PRUNE2: variants seen among roughly 807,000 people sequenced by gnomAD.
PRUNE2 encodes the protein prune homolog 2 with BCH domain, also known as protein prune homolog 2.
A neutral mutation model predicts 252.0 loss-of-function variants in PRUNE2; 164 were observed. That is an observed-to-expected ratio of 0.65 (90% CI 0.57 to 0.74). The LOEUF (loss-of-function observed/expected upper bound fraction) is 0.74. Among genes scored for constraint, PRUNE2 ranks in the 30% least tolerant of loss-of-function variants. The pLI, the probability that PRUNE2 is intolerant of heterozygous loss-of-function variation, is 0.00. For synonymous variants in PRUNE2, 1,292 were observed against 1,350.2 expected (o/e 0.96, Z 0.94); for missense variants, 3,495 against 3,711.0 (o/e 0.94, Z 1.51).
intron 9 of PRUNE2, among the ~76,000 whole-genome samples, chr9:76,680,111 A>C (rs1376261683): frequency 1.3e-5 from 2 of 152,242 alleles, no homozygotes; most frequent in Non-Finnish European, 2.9e-5. Context: ...ATATCTGATA[A>C]GGGGTTAATA....
intron 9 of PRUNE2, among the ~76,000 whole-genome samples, chr9:76,676,901 G>C (rs2042690260): frequency 6.6e-6 from 1 of 152,192 alleles, no homozygotes; most frequent in South Asian, 2.1e-4. Context: ...AAAAACCCGA[G>C]CTCAGATTAA....
chr9:76,839,632 A>G (rs553332401), intron 4 of PRUNE2, among the ~76,000 whole-genome samples: 1 of 152,306 alleles, frequency 6.6e-6, no homozygotes, highest in East Asian at 1.9e-4. Flanking sequence ...ACAGGTTTGA[A>G]GCCGGAGGTT....
intron 6 of PRUNE2, among the ~76,000 whole-genome samples, chr9:76,722,706 C>T (rs1206597347): frequency 6.6e-6 from 1 of 152,140 alleles, no homozygotes; most frequent in African/African-American, 2.4e-5. Flanking sequence ...TAAGATGCCC[C>T]TGTGAGATAG....
In PRUNE2 at chr9:76,704,865, G is replaced by T; in HGVS notation, c.7409C>A (p.Pro2470Gln). 1 of 1,604,300 alleles carries T rather than the reference G, an allele frequency of 6.2e-7. No individual in the cohort carries two copies. Among genetic ancestry groups the T allele is most frequent in the South Asian group, 1.1e-5 (1 of 89,412 alleles). ...CAAAATGTTGGAGCCTGCTCCTACC[G>T]GCAAATAAACGGACTCAGGGTCTTC... ...IREDPESVYL[P>Q]VGAGSNILSP... is the part of the protein sequence containing the mutation. The change falls in exon 8 of 19, where the codon CCG becomes CAG. Residue 2470 changes from proline (P) to glutamine (Q), a missense_variant. Coordinates refer to ENST00000376718, the MANE Select transcript of PRUNE2 (RefSeq NM_015225.3).
chr9:76,662,460 T>C (rs897301828), intron 9 of PRUNE2, among the ~76,000 whole-genome samples: 4 of 152,218 alleles, frequency 2.6e-5, no homozygotes, highest in Admixed American at 2.0e-4. Flanking sequence ...TTAGAACAGG[T>C]ACAAAATTAA....
chr9:76,877,128 G>A (rs2061518504), intron 1 of PRUNE2, among the ~76,000 whole-genome samples: 1 of 151,774 alleles, frequency 6.6e-6, no homozygotes, highest in East Asian at 1.9e-4. Flanking sequence ...TCTAGAACAA[G>A]TCTACAAAAG....
chr9:76,852,259 T>A (rs1463998195), intron 2 of PRUNE2, among the ~76,000 whole-genome samples: 2 of 152,238 alleles, frequency 1.3e-5, no homozygotes, highest in Non-Finnish European at 2.9e-5. Context: ...GCATAATAAG[T>A]GTTAACAACT....
chr9:76,756,845 G>C (rs2039879), intron 6 of PRUNE2, among the ~76,000 whole-genome samples: 14 of 103,422 alleles, frequency 1.4e-4, no homozygotes, highest in Admixed American at 3.6e-4. Context: ...CACCCTGCCC[G>C]TGCCCTGCCC....
Position 76,703,125 on chromosome 9 carries a change from T to C in PRUNE2, c.8276+212A>G, listed in dbSNP as rs190935945. On this transcript the variant is annotated intron_variant, in intron 9 of 18. Coordinates refer to ENST00000376718, the MANE Select transcript of PRUNE2 (RefSeq NM_015225.3). ...GGGTAGGTATAAGACTGAATGAAAA[T>C]TGAAGGGGCTTTTTGGCTGAAAATG... is the stretch of plus-strand genomic sequence containing the variant. Among the ~76,000 whole-genome samples the C allele has an allele frequency of 1.4e-4, 21 of 151,342 alleles. No homozygotes were observed. In the East Asian group the frequency reaches 3.3e-3, roughly 24 times the overall value.
At chr9:76,765,636 C>T (rs2052278411) in intron 6 of PRUNE2, among the ~76,000 whole-genome samples, 1 of 152,180 alleles carries the variant, frequency 6.6e-6, no homozygotes, top group African/African-American at 2.4e-5. Flanking sequence ...CTCCACCCAT[C>T]CTTCCCTCCA....
chr9:76,788,923 C>G (rs186048792), intron 6 of PRUNE2, among the ~76,000 whole-genome samples: 61 of 152,268 alleles, frequency 4.0e-4, no homozygotes, highest in Admixed American at 3.6e-3. Context: ...TAAGGTAGCT[C>G]TATCCTGGCT....
intron 1 of PRUNE2, among the ~76,000 whole-genome samples, chr9:76,905,597 T>A (rs192603323): frequency 2.1e-3 from 323 of 152,274 alleles, no homozygotes; most frequent in Non-Finnish European, 2.2e-3. Context: ...GGGCTCTTTA[T>A]CTCAAGGAAG....
At chr9:76,655,123 A>C (rs969789433) in intron 10 of PRUNE2, among the ~76,000 whole-genome samples, 4 of 152,204 alleles carry the variant, frequency 2.6e-5, no homozygotes, top group African/African-American at 9.7e-5. Flanking sequence ...GAACTTAGAC[A>C]TTAGTCAGAA....
intron 6 of PRUNE2, among the ~76,000 whole-genome samples, chr9:76,765,814 A>T (rs1778652397): frequency 6.6e-6 from 1 of 152,202 alleles, no homozygotes; most frequent in African/African-American, 2.4e-5. Flanking sequence ...CTTATCTATG[A>T]AATGGAGAGG....
chr9:76,645,638 G>T (rs1844503791), intron 11 of PRUNE2, among the ~76,000 whole-genome samples: 1 of 150,776 alleles, frequency 6.6e-6, no homozygotes, highest in Non-Finnish European at 1.5e-5. Context: ...TTACTCTTGT[G>T]CATTTAAAAA....
At chr9:76,642,001 T>TAAAAAAAAAAAAAAAAGAAAAAAAAA in intron 12 of PRUNE2, 2 of 1,010,458 alleles carry the variant, frequency 2.0e-6, no homozygotes, top group East Asian at 2.8e-5. Context: ...ATAAGAGAAG[T>TAAAAAAAAAAAAAAAAGAAAAAAAAA]AAAAAAAAAA....
intron 17 of PRUNE2, among the ~76,000 whole-genome samples, chr9:76,624,136 A>G (rs1833641058): frequency 1.3e-5 from 2 of 152,166 alleles, no homozygotes; most frequent in South Asian, 4.1e-4. Flanking sequence ...CTCAATACCT[A>G]ATGATCATCT....
intron 6 of PRUNE2, among the ~76,000 whole-genome samples, chr9:76,729,095 TA>T (rs1334658571): frequency 6.6e-5 from 10 of 152,334 alleles, no homozygotes; most frequent in African/African-American, 2.4e-4. Context: ...TTGTTTAAAT[TA>T]CGGAGCTACA....
At chr9:76,886,405 T>C (rs1362960413) in intron 1 of PRUNE2, among the ~76,000 whole-genome samples, 1 of 152,212 alleles carries the variant, frequency 6.6e-6, no homozygotes, top group Non-Finnish European at 1.5e-5. Flanking sequence ...GCTGATGGGA[T>C]GTGAAACAAA....
Sources: gnomAD v4.1 joint callset for allele counts (sites outside exome capture counted in the v4.1 genomes callset) on GRCh38, gnomAD v4.1.1 for gene constraint, MANE v1.5 for transcripts, NCBI Gene and HGNC (gene_info 2026-07-23, HGNC 2026-07-21) for gene names.